VPS50: variants seen among roughly 807,000 people sequenced by gnomAD.
The protein encoded by VPS50 is syndetin.
VPS50 carries 70 observed loss-of-function variants against 139.7 expected under a neutral mutation model. The ratio of observed to expected loss-of-function variants is 0.50; its 90% CI spans 0.41 to 0.61. The LOEUF (loss-of-function observed/expected upper bound fraction) is 0.61. Among genes scored for constraint, VPS50 ranks in the 20% least tolerant of loss-of-function variants. The pLI is 0.00. For missense variants in VPS50, 921 were observed against 1,133.7 expected (o/e 0.81, Z 2.69); for synonymous variants, 365 against 376.7 (o/e 0.97, Z 0.36).
intron 12 of VPS50, among the ~76,000 whole-genome samples, chr7:93,283,455 C>G (rs183756245): frequency 1.3e-5 from 2 of 152,008 alleles, no homozygotes; most frequent in Middle Eastern, 3.2e-3. Context: ...AGGCTGGTCT[C>G]GAAATCCTGA....
intron 21 of VPS50, among the ~76,000 whole-genome samples, chr7:93,325,695 A>G (rs1231598107): frequency 6.6e-6 from 1 of 152,106 alleles, no homozygotes; most frequent in African/African-American, 2.4e-5. Context: ...CACATGAAAA[A>G]ATGCTCACCA....
chr7:93,262,349 A>G (rs1220509079), intron 9 of VPS50, among the ~76,000 whole-genome samples: 1 of 152,234 alleles, frequency 6.6e-6, no homozygotes, highest in African/African-American at 2.4e-5. Flanking sequence ...TTAAAAATTG[A>G]TATCAAGTGG....
intron 2 of VPS50, among the ~76,000 whole-genome samples, chr7:93,250,488 G>A (rs1795288754): frequency 6.6e-6 from 1 of 152,028 alleles, no homozygotes; most frequent in African/African-American, 2.4e-5. Context: ...GGGAAAATTG[G>A]CTAGCCATAT....
intron 9 of VPS50, among the ~76,000 whole-genome samples, chr7:93,261,332 A>C (rs529502465): frequency 2.0e-4 from 31 of 152,194 alleles, no homozygotes; most frequent in Non-Finnish European, 3.4e-4. Context: ...CCTTGGTTTC[A>C]TAAAGAACAT....
chr7:93,317,594 C>G (rs1280683477), intron 20 of VPS50, among the ~76,000 whole-genome samples: 3 of 152,134 alleles, frequency 2.0e-5, no homozygotes, highest in African/African-American at 7.2e-5. Flanking sequence ...TGCTGTCCCC[C>G]ACTCCCAGAG....
At chr7:93,236,953 T>TTTTTTTTTTTA (rs1460280129) in intron 1 of VPS50, among the ~76,000 whole-genome samples, 1 of 122,292 alleles carries the variant, frequency 8.2e-6, no homozygotes. Flanking sequence ...TTTTTTTTTT[T>TTTTTTTTTTTA]TTTTTTTTTT....
At chr7:93,244,082 G>A (rs7789018) in intron 2 of VPS50, among the ~76,000 whole-genome samples, 82,002 of 151,264 alleles carry the variant, frequency 0.54, 25,918 homozygotes, top group African/African-American at 0.89. Flanking sequence ...ATTTTTTTTC[G>A]TGAAAGAAAA....
chr7:93,297,385 G>C, intron 16 of VPS50, 142 bp downstream of exon 16: 1 of 917,318 alleles, frequency 1.1e-6, no homozygotes, highest in Non-Finnish European at 1.5e-6. Context: ...GATGGTTAAG[G>C]ATTTTTTTAA....
Position 93,359,916 on chromosome 7 carries a change from G to A in VPS50, c.*1480G>A, listed in dbSNP as rs2285507. The A allele has an allele frequency of 0.29, 44,419 of 151,996 alleles. 6,749 individuals are homozygous for A. The highest frequency in any genetic ancestry group is 0.35 in the African/African-American group (14,645 of 41,414). 9.4% of individuals were successfully genotyped at this position (151,996 alleles called of 1,614,324 possible). A position where few individuals can be genotyped will look rare whatever the true frequency, so the allele number is the denominator to read the frequency against. ...CCTCTCATGTCGGAGTTCATTTACT[G>A]TCAATTTAAAACTTTCCTCTTGTAA... On this transcript the variant is annotated 3_prime_UTR_variant, in exon 28 of 28. Transcript: ENST00000305866.
At chr7:93,263,967 TA>T (rs1275772423) in intron 9 of VPS50, among the ~76,000 whole-genome samples, 3 of 152,212 alleles carry the variant, frequency 2.0e-5, no homozygotes, top group Non-Finnish European at 1.5e-5. Context: ...TTAGACATTA[TA>T]AGTAATCAAG....
Position 93,272,654 on chromosome 7 carries a change from T to A in VPS50, c.722T>A (p.Leu241His). ...ATATAGGAACAGCTGGACGTAGCTC[T>A]TTCCAAAATCTGCAAGAATTTTGAC... ...EQIEEQLDVA[L>H]SKICKNFDIN... The change falls in exon 11 of 28, where the codon CTT (leucine) becomes CAT (histidine). Residue 241 changes from leucine to histidine, a missense_variant. This residue lies in a region of VPS50 where 744 missense variants were observed against 930.6 expected (regional missense o/e 0.80). Transcript: ENST00000305866. The A allele has an allele frequency of 6.4e-7, 1 of 1,550,708 alleles. No homozygotes were observed. The highest frequency in any genetic ancestry group is 1.1e-5 in the South Asian group (1 of 87,188).
intron 12 of VPS50, among the ~76,000 whole-genome samples, chr7:93,280,087 C>T (rs1004044694): frequency 6.6e-6 from 1 of 152,150 alleles, no homozygotes; most frequent in Non-Finnish European, 1.5e-5. Flanking sequence ...AGGCCAGCAG[C>T]ATCCCTTCCC....
intron 20 of VPS50, among the ~76,000 whole-genome samples, chr7:93,319,422 G>A (rs1481607521): frequency 6.6e-6 from 1 of 152,140 alleles, no homozygotes; most frequent in East Asian, 1.9e-4. Context: ...TCCCAGAAAA[G>A]GCTGATGAGA....
intron 12 of VPS50, among the ~76,000 whole-genome samples, chr7:93,281,217 T>C (rs1054354894): frequency 1.3e-5 from 2 of 152,194 alleles, no homozygotes; most frequent in African/African-American, 4.8e-5. Context: ...GTCCCATTCT[T>C]ATAGGCTTTT....
intron 2 of VPS50, among the ~76,000 whole-genome samples, chr7:93,250,981 A>G (rs1795307956): frequency 6.6e-6 from 1 of 152,238 alleles, no homozygotes; most frequent in African/African-American, 2.4e-5. Context: ...ACAATGAGAT[A>G]CCATTTCACG....
intron 4 of VPS50, among the ~76,000 whole-genome samples, chr7:93,255,960 A>G (rs1795471947): frequency 6.6e-6 from 1 of 152,192 alleles, no homozygotes; most frequent in South Asian, 2.1e-4. Context: ...TCTAACTTGC[A>G]TACGTTAATA....
At chr7:93,311,131 A>C (rs1290906079) in intron 19 of VPS50, 35 bp from the exon 20 acceptor site, 1 of 874,036 alleles carries the variant, frequency 1.1e-6, no homozygotes, top group Non-Finnish European at 2.0e-6. Flanking sequence ...TTACTTGACA[A>C]CTCTAGCAAC....
chr7:93,249,970 A>T (rs1445718977), intron 2 of VPS50, among the ~76,000 whole-genome samples: 1 of 152,098 alleles, frequency 6.6e-6, no homozygotes, highest in Non-Finnish European at 1.5e-5. Context: ...TGTGTTGTAG[A>T]TAAACCCCTT....
Position 93,296,723 on chromosome 7 carries a change from CT to C in VPS50, c.1168-14del. 1 of 1,596,802 alleles carries C rather than the reference CT, an allele frequency of 6.3e-7. No homozygotes were observed. On this transcript the variant is annotated intron_variant, in intron 14 of 27. Coordinates refer to ENST00000305866, the MANE Select transcript of VPS50 (RefSeq NM_017667.4). The stretch of plus-strand genomic sequence containing the variant: ...CTATATTTTGGGTTTGCTTGATTTT[CT>C]TTTTCTTTGCCTTACAGGATGTTCA...
Sources: allele counts gnomAD v4.1 joint callset (sites outside exome capture counted in the v4.1 genomes callset), GRCh38; gene constraint gnomAD v4.1.1; regional missense constraint gnomAD v4.1.1; transcripts MANE v1.5; gene names NCBI Gene and HGNC (gene_info 2026-07-23, HGNC 2026-07-21).